The following HDAC9 variants were observed in gnomAD, a reference collection of about 807,000 sequenced individuals.
HDAC9 encodes the protein histone deacetylase 9, also known as MEF-2 interacting transcription repressor (MITR) protein.
Under a neutral mutation model 139.4 loss-of-function variants are expected in HDAC9, and 41 were observed. The ratio of observed to expected loss-of-function variants is 0.29; its 90% CI spans 0.23 to 0.38. The LOEUF (loss-of-function observed/expected upper bound fraction) is 0.38, where lower values mean the gene tolerates loss of function less well. Among genes scored for constraint, HDAC9 ranks in the 10% least tolerant of loss-of-function variants. The probability of loss-of-function intolerance (pLI) is 1.00; values close to 1 mark genes in which losing one functional copy is unlikely to be tolerated. For synonymous variants in HDAC9, 517 were observed against 476.2 expected, an observed-to-expected ratio of 1.09 and a Z score of -1.12; for missense variants, 1,147 against 1,297.0, an observed-to-expected ratio of 0.88 and a Z score of 1.78.
chr7:18,788,142 A>T (rs1273535355), intron 16 of HDAC9, among the ~76,000 whole-genome samples: 2 of 152,088 alleles, frequency 1.3e-5, no homozygotes, highest in Non-Finnish European at 1.5e-5. Context: ...TTAACTCCTG[A>T]TTACTGACTT....
At chr7:18,293,061 A>G (rs1797915974) in intron 1 of HDAC9, among the ~76,000 whole-genome samples, 1 of 152,126 alleles carries the variant, frequency 6.6e-6, no homozygotes, top group Non-Finnish European at 1.5e-5. Flanking sequence ...AACATCAGAC[A>G]TAAATGATTG....
rs1390044785 is a variant in HDAC9, at chr7:18,200,202, A to C, written c.25+37853A>C. Among the ~76,000 whole-genome samples the C allele has an allele frequency of 2.0e-5, 3 of 152,366 alleles. No individual in the cohort carries two copies. The South Asian group carries it at 6.2e-4, about 32-fold the overall frequency. ...TGTTTAAAAATACACAGGTCTGTTC[A>C]GACTGCAGTTACCTGTAATTTGTAA... On this transcript the variant is annotated intron_variant, in intron 2 of 12. Coordinates refer to the HDAC9 transcript ENST00000417496.
upstream of HDAC9, chr7:18,495,696 A>T: frequency 1.0e-6 from 1 of 973,564 alleles, no homozygotes; most frequent in Non-Finnish European, 1.2e-6. Flanking sequence ...TCATATGCAA[A>T]TGGATTATCA....
At chr7:18,596,487 CAAAT>C (rs1410817387) in intron 6 of HDAC9, among the ~76,000 whole-genome samples, 1 of 152,028 alleles carries the variant, frequency 6.6e-6, no homozygotes, top group Non-Finnish European at 1.5e-5. Flanking sequence ...GAAATGTTGT[CAAAT>C]AATTTTTACT....
chr7:18,903,281 G>T (rs10247238), intron 22 of HDAC9, among the ~76,000 whole-genome samples: 40,727 of 152,058 alleles, frequency 0.27, 6,126 homozygotes, highest in Middle Eastern at 0.33. Flanking sequence ...TTAAATCCCA[G>T]TTTTCTCATT....
At chr7:18,862,261 A>C (rs959412924) in intron 21 of HDAC9, among the ~76,000 whole-genome samples, 1 of 152,180 alleles carries the variant, frequency 6.6e-6, no homozygotes. Flanking sequence ...TATCAAATGC[A>C]AGAGAAAGAG....
chr7:18,620,793 A>G (rs549732487), intron 6 of HDAC9, among the ~76,000 whole-genome samples: 1 of 152,256 alleles, frequency 6.6e-6, no homozygotes, highest in Non-Finnish European at 1.5e-5. Context: ...CTACTCTGCG[A>G]TGCTTCCAAT....
At chr7:18,316,444 G>A (rs1026493173) in intron 1 of HDAC9, among the ~76,000 whole-genome samples, 4 of 151,946 alleles carry the variant, frequency 2.6e-5, no homozygotes, top group East Asian at 3.9e-4. Context: ...TAATGGTTTT[G>A]TGCTGCATTG....
intron 12 of HDAC9, chr7:18,667,534 A>G (rs1017999917): frequency 8.1e-6 from 8 of 985,156 alleles, no homozygotes; most frequent in Non-Finnish European, 9.6e-6. Flanking sequence ...CTTTGATGCT[A>G]TAAAATACAA....
At chr7:18,548,498 TA>T (rs2128648686) in intron 2 of HDAC9, among the ~76,000 whole-genome samples, 1 of 151,934 alleles carries the variant, frequency 6.6e-6, no homozygotes, top group Non-Finnish European at 1.5e-5. Flanking sequence ...CAAAGCAAAA[TA>T]AAATGAGATA....
chr7:18,516,734 G>A (rs541440269), intron 2 of HDAC9, among the ~76,000 whole-genome samples: 31 of 152,118 alleles, frequency 2.0e-4, no homozygotes, highest in African/African-American at 7.2e-4. Context: ...GGTGGTGTGT[G>A]CCTGTAGTCC....
At chr7:18,310,102 A>T (rs1799201591) in intron 1 of HDAC9, among the ~76,000 whole-genome samples, 1 of 130,928 alleles carries the variant, frequency 7.6e-6, no homozygotes, top group African/African-American at 2.9e-5. Context: ...GTGCCCAGAT[A>T]GTGTAGAGAC....
chr7:18,167,285 T>G (rs774685067), intron 2 of HDAC9, among the ~76,000 whole-genome samples: 2 of 152,160 alleles, frequency 1.3e-5, no homozygotes, highest in African/African-American at 2.4e-5. Context: ...GATATTCAAG[T>G]TTGAAACATA....
chr7:18,167,501 G>A (rs1050923233), intron 2 of HDAC9, among the ~76,000 whole-genome samples: 6 of 152,056 alleles, frequency 3.9e-5, no homozygotes, highest in Non-Finnish European at 8.8e-5. Context: ...ACTCCATAAT[G>A]CAGGCCAAAC....
chr7:18,644,817 C>T, intron 9 of HDAC9, 24 bp downstream of exon 9: 1 of 1,599,456 alleles, frequency 6.3e-7, no homozygotes. Flanking sequence ...CAGCATCAGC[C>T]TTAATCAACC....
At chr7:18,281,623 A>G (rs1584987699) in intron 2 of HDAC9, among the ~76,000 whole-genome samples, 2 of 152,190 alleles carry the variant, frequency 1.3e-5, no homozygotes, top group African/African-American at 4.8e-5. Context: ...CTTAGCTTCT[A>G]TTGAACCGTA....
intron 8 of HDAC9, among the ~76,000 whole-genome samples, chr7:18,636,581 A>G (rs1033193571): frequency 1.1e-4 from 16 of 152,022 alleles, no homozygotes; most frequent in African/African-American, 3.6e-4. Context: ...CTGTCGTTTG[A>G]CCATTTTCAG....
intron 25 of HDAC9, among the ~76,000 whole-genome samples, chr7:18,989,195 C>T (rs1309952416): frequency 6.7e-6 from 1 of 148,596 alleles, no homozygotes; most frequent in Non-Finnish European, 1.5e-5. Flanking sequence ...TTTGCAGTGG[C>T]TGGTACCGGT....
intron 2 of HDAC9, among the ~76,000 whole-genome samples, chr7:18,232,964 C>G (rs1022101298): frequency 6.6e-6 from 1 of 152,138 alleles, no homozygotes; most frequent in African/African-American, 2.4e-5. Context: ...GCGTGCTGTA[C>G]TCTTCTCTCA....
Sources: gnomAD v4.1 joint callset for allele counts (sites outside exome capture counted in the v4.1 genomes callset) on GRCh38, gnomAD v4.1.1 for gene constraint, MANE v1.5 for transcripts, NCBI Gene and HGNC (gene_info 2026-07-23, HGNC 2026-07-21) for gene names.